Variants in PCCA observed in about 807,000 individuals in gnomAD.
PCCA encodes the protein propionyl-CoA carboxylase alpha chain, mitochondrial.
A neutral mutation model predicts 101.3 loss-of-function variants in PCCA; 74 were observed. The ratio of observed to expected loss-of-function variants is 0.73; its 90% CI spans 0.61 to 0.89. The LOEUF (loss-of-function observed/expected upper bound fraction) is 0.89, where lower values mean the gene tolerates loss of function less well. PCCA is among the 40% of genes least tolerant of loss of function. PCCA has a pLI of 0.00. For synonymous variants in PCCA, 294 were observed against 313.6 expected (o/e 0.94, Z 0.66); for missense variants, 891 against 907.0 (o/e 0.98, Z 0.23).
At chr13:100,498,371 CAA>C (rs2085430573) in intron 21 of PCCA, among the ~76,000 whole-genome samples, 1 of 151,428 alleles carries the variant, frequency 6.6e-6, no homozygotes, top group African/African-American at 2.4e-5. Flanking sequence ...ATACCAAAAA[CAA>C]GAGAGAGAGA....
At chr13:100,505,318 G>A (rs111282421) in intron 21 of PCCA, among the ~76,000 whole-genome samples, 1,647 of 152,298 alleles carry the variant, frequency 0.011, 19 homozygotes, top group Non-Finnish European at 0.018. Context: ...GTTTTTGAAT[G>A]AATTAACCAA....
intron 21 of PCCA, among the ~76,000 whole-genome samples, chr13:100,486,244 C>T (rs2084363017): frequency 6.6e-6 from 1 of 152,204 alleles, no homozygotes; most frequent in Non-Finnish European, 1.5e-5. Flanking sequence ...AGTCTATCAA[C>T]CAATCCCAGA....
intron 1 of PCCA, among the ~76,000 whole-genome samples, chr13:100,093,604 G>A (rs2046472144): frequency 1.3e-5 from 2 of 152,100 alleles, no homozygotes; most frequent in African/African-American, 2.4e-5. Context: ...CCCAGGTGCA[G>A]AGAGGCTAAG....
At chr13:100,217,031 C>T (rs1428949028) in intron 7 of PCCA, among the ~76,000 whole-genome samples, 2 of 150,638 alleles carry the variant, frequency 1.3e-5, no homozygotes, top group African/African-American at 2.4e-5. Context: ...ATCCCTTGAA[C>T]CTGGGAGGTG....
chr13:100,260,910 A>C (rs2062457327), intron 9 of PCCA, among the ~76,000 whole-genome samples: 1 of 151,948 alleles, frequency 6.6e-6, no homozygotes, highest in Non-Finnish European at 1.5e-5. Context: ...AAAAAAAGGA[A>C]GAACGGTCAG....
intron 21 of PCCA, among the ~76,000 whole-genome samples, chr13:100,477,099 T>G (rs973805359): frequency 2.6e-5 from 4 of 152,192 alleles, no homozygotes; most frequent in African/African-American, 9.7e-5. Context: ...TGCTTTAAAG[T>G]CAAGTGCATA....
intron 18 of PCCA, among the ~76,000 whole-genome samples, chr13:100,352,458 C>T (rs921993206): frequency 1.4e-5 from 2 of 145,906 alleles, no homozygotes; most frequent in South Asian, 2.2e-4. Flanking sequence ...AGTGCAGTGG[C>T]ATCACAGGTC....
chr13:100,311,758 A>T (rs764587191), intron 16 of PCCA, among the ~76,000 whole-genome samples: 2 of 152,220 alleles, frequency 1.3e-5, no homozygotes, highest in Non-Finnish European at 2.9e-5. Context: ...TGACAGTGTA[A>T]GACTCTGTCT....
At chr13:100,207,699 T>G (rs1295162983) in intron 6 of PCCA, among the ~76,000 whole-genome samples, 5 of 151,856 alleles carry the variant, frequency 3.3e-5, no homozygotes, top group African/African-American at 1.2e-4. Context: ...CAGCTTTTAA[T>G]TCCGTCCTGT....
chr13:100,140,370 C>T (rs2051721382), intron 4 of PCCA, among the ~76,000 whole-genome samples: 1 of 151,994 alleles, frequency 6.6e-6, no homozygotes, highest in South Asian at 2.1e-4. Context: ...GCCTCTGGTA[C>T]CACAGCCACA....
At chr13:100,152,592 G>A (rs967714872) in intron 4 of PCCA, among the ~76,000 whole-genome samples, 3 of 151,936 alleles carry the variant, frequency 2.0e-5, no homozygotes, top group Admixed American at 6.6e-5. Context: ...GACTACAGGC[G>A]TCCGCCACCA....
intron 11 of PCCA, 102 bp downstream of exon 11, chr13:100,268,885 T>TGAGACC: frequency 1.2e-6 from 1 of 866,154 alleles, no homozygotes; most frequent in Non-Finnish European, 1.9e-6. Context: ...AGAGACAGGG[T>TGAGACC]CTCACTCTGT....
chr13:100,115,137 G>T (rs1295401437), intron 4 of PCCA, among the ~76,000 whole-genome samples: 1 of 152,202 alleles, frequency 6.6e-6, no homozygotes, highest in Non-Finnish European at 1.5e-5. Flanking sequence ...GATGGAACTG[G>T]TGGAGGACAT....
At chr13:100,194,711 G>A (rs535488221) in intron 6 of PCCA, among the ~76,000 whole-genome samples, 36 of 152,210 alleles carry the variant, frequency 2.4e-4, no homozygotes, top group African/African-American at 7.5e-4. Flanking sequence ...GAGCCACTGC[G>A]CCCGGCCGTA....
intron 16 of PCCA, among the ~76,000 whole-genome samples, chr13:100,315,606 A>G (rs1049812454): frequency 2.0e-5 from 3 of 152,210 alleles, no homozygotes; most frequent in Non-Finnish European, 2.9e-5. Context: ...ATGAATTTCA[A>G]AATCCTCATG....
At chr13:100,229,254 C>T (rs1180849719) in intron 7 of PCCA, among the ~76,000 whole-genome samples, 1 of 152,164 alleles carries the variant, frequency 6.6e-6, no homozygotes, top group Non-Finnish European at 1.5e-5. Context: ...CCAATGCCAA[C>T]AGTATTTCAC....
At chr13:100,334,977 A>C (rs939701721) in intron 17 of PCCA, among the ~76,000 whole-genome samples, 11 of 152,228 alleles carry the variant, frequency 7.2e-5, no homozygotes, top group African/African-American at 2.7e-4. Flanking sequence ...GCATATAAAA[A>C]ACAAATACTT....
In PCCA at chr13:100,209,243, A is replaced by T. The variant is rs1363617381; in HGVS notation, c.469-89A>T. 5 of 1,063,918 alleles carry T rather than the reference A, an allele frequency of 4.7e-6. No individual in the cohort carries two copies. In the East Asian group the frequency reaches 9.5e-5, roughly 20 times the overall value. 65.9% of individuals were successfully genotyped at this position (1,063,918 alleles called of 1,614,324 possible). A position where few individuals can be genotyped will look rare whatever the true frequency, so the allele number is the denominator to read the frequency against. On this transcript the variant is annotated intron_variant, in intron 6 of 23. Transcript: ENST00000376285. ...TGCAATAAAAATAATTAGAAAATACACATATGGGCTTTTCTTTTATAAAAT... is the reference window on the plus strand; with the variant it reads ...TGCAATAAAAATAATTAGAAAATACTCATATGGGCTTTTCTTTTATAAAAT...
chr13:100,494,197 TAAATAAATAAATAAATA>T (rs1332729274), intron 21 of PCCA, among the ~76,000 whole-genome samples: 1 of 151,816 alleles, frequency 6.6e-6, no homozygotes, highest in East Asian at 1.9e-4. Context: ...AAAAAATAAA[TAAATAAATAAATAAATA>T]AAGGGCAAAC....
Sources: allele counts gnomAD v4.1 joint callset (sites outside exome capture counted in the v4.1 genomes callset), GRCh38; gene constraint gnomAD v4.1.1; transcripts MANE v1.5; gene names NCBI Gene and HGNC (gene_info 2026-07-23, HGNC 2026-07-21).